The following VPS53 variants were observed in gnomAD, a reference collection of about 807,000 sequenced individuals.
VPS53 encodes the protein VPS53 subunit of GARP complex, also known as vacuolar protein sorting-associated protein 53 homolog.
In VPS53, 70 loss-of-function variants were observed where a neutral mutation model predicts 107.0. That is an observed-to-expected ratio of 0.65 (90% CI 0.54 to 0.80). The LOEUF (loss-of-function observed/expected upper bound fraction) is 0.80, where lower values mean the gene tolerates loss of function less well. Ranked by LOEUF, VPS53 falls within the 30% of genes least tolerant of loss-of-function variation. VPS53 has a pLI of 0.00. For missense variants in VPS53, 917 were observed against 1,049.4 expected, an observed-to-expected ratio of 0.87 and a Z score of 1.74; for synonymous variants, 409 against 393.3, an observed-to-expected ratio of 1.04 and a Z score of -0.47.
intron 11 of VPS53, among the ~76,000 whole-genome samples, chr17:607,867 C>T (rs1267833247): frequency 6.6e-6 from 1 of 152,146 alleles, no homozygotes; most frequent in East Asian, 1.9e-4. Context: ...GTCTAATTCA[C>T]TGTCAAGAAG....
chr17:639,072 G>C (rs941213344), intron 7 of VPS53, among the ~76,000 whole-genome samples: 1 of 152,028 alleles, frequency 6.6e-6, no homozygotes, highest in Non-Finnish European at 1.5e-5. Flanking sequence ...CGTAGATTTG[G>C]TCTTTTCACA....
chr17:583,542 C>T (rs1452503458), intron 13 of VPS53, among the ~76,000 whole-genome samples: 1 of 151,380 alleles, frequency 6.6e-6, no homozygotes, highest in Admixed American at 6.6e-5. Flanking sequence ...TTCCTCAGAA[C>T]CTAATGCGTT....
chr17:601,765 G>GTA, intron 12 of VPS53, 30 bp downstream of exon 12: 1 of 1,538,472 alleles, frequency 6.5e-7, no homozygotes, highest in Non-Finnish European at 8.8e-7. Context: ...CATTGGGTAG[G>GTA]TTACCCGTGG....
chr17:589,495 G>GC (rs1420781840), intron 12 of VPS53, among the ~76,000 whole-genome samples: 1 of 151,858 alleles, frequency 6.6e-6, no homozygotes, highest in Non-Finnish European at 1.5e-5. Flanking sequence ...TCTAAAGGTC[G>GC]GGGGGGAGTG....
intron 2 of VPS53, among the ~76,000 whole-genome samples, chr17:699,761 C>T (rs543923691): frequency 6.6e-6 from 1 of 152,260 alleles, no homozygotes; most frequent in East Asian, 1.9e-4. Context: ...GTGATTGTGA[C>T]AAATTCACGT....
chr17:629,200 G>A (rs1221343499), intron 8 of VPS53, among the ~76,000 whole-genome samples: 1 of 152,174 alleles, frequency 6.6e-6, no homozygotes, highest in African/African-American at 2.4e-5. Context: ...TGAGACCTGA[G>A]TTTTTAAAAT....
intron 12 of VPS53, among the ~76,000 whole-genome samples, chr17:597,803 C>G (rs1207715638): frequency 6.6e-6 from 1 of 152,132 alleles, no homozygotes; most frequent in East Asian, 1.9e-4. Flanking sequence ...CTCCTGACCT[C>G]AGGTGATCGG....
chr17:520,017 A>AC lies in VPS53; in HGVS notation c.2224-88dup, dbSNP rs1371134322. ...GAGCGGGCCCTCAAGAAAACTCACT[A>AC]CCCACCGCAGGAGGAGACGGGAGCG... On this transcript the variant is annotated intron_variant, in intron 20 of 21. Coordinates refer to ENST00000437048, the MANE Select transcript of VPS53 (RefSeq NM_001128159.3). This position sits in a 1 kb window ranked among gnomAD's most constrained non-coding sequence, Gnocchi z 4.4. 5.5e-6 allele frequency: 5 copies of AC among 903,368 alleles called. No individual in the cohort carries two copies. The highest frequency in any genetic ancestry group is 8.8e-6 in the Non-Finnish European group (5 of 568,258). 56.0% of individuals were successfully genotyped at this position (903,368 alleles called of 1,614,324 possible).
rs554227375 is a variant in VPS53 at position 632,583 on chromosome 17, A to G, written c.609-955T>C. Among the ~76,000 whole-genome samples, 3 of 152,190 alleles carry G rather than the reference A, an allele frequency of 2.0e-5. No individual in the cohort carries two copies. The South Asian group carries it at 6.2e-4, about 32-fold the overall frequency. ...ATAAATTATTAACCGTAGTCACCCT[A>G]TTGTTCTACCAAATACTAGATCGTA... On this transcript the variant is annotated intron_variant, in intron 7 of 21. Transcript: ENST00000437048.
intron 17 of VPS53, among the ~76,000 whole-genome samples, chr17:548,009 C>T (rs541052115): frequency 1.3e-3 from 198 of 152,198 alleles, no homozygotes; most frequent in Admixed American, 3.8e-3. Flanking sequence ...TCTTAAAGGA[C>T]GTGCTCCTTG....
intron 6 of VPS53, among the ~76,000 whole-genome samples, chr17:653,850 T>C (rs1971061856): frequency 6.6e-6 from 1 of 152,188 alleles, no homozygotes; most frequent in South Asian, 2.1e-4. Flanking sequence ...TTACAGCCTA[T>C]GAGCAAACCA....
chr17:706,880 A>G (rs1973426793), intron 2 of VPS53, among the ~76,000 whole-genome samples: 2 of 152,082 alleles, frequency 1.3e-5, no homozygotes, highest in Non-Finnish European at 2.9e-5. Flanking sequence ...CCAGTGATCT[A>G]CTGCGTGAGT....
intron 2 of VPS53, among the ~76,000 whole-genome samples, chr17:702,429 C>A (rs1465274655): frequency 2.0e-5 from 3 of 151,444 alleles, no homozygotes; most frequent in African/African-American, 7.3e-5. Context: ...ACTTTGAGGC[C>A]GAGGTGGGCG....
At chr17:578,741 A>G (rs1248762463) in intron 13 of VPS53, among the ~76,000 whole-genome samples, 1 of 152,036 alleles carries the variant, frequency 6.6e-6, no homozygotes, top group Non-Finnish European at 1.5e-5. Flanking sequence ...AACCTCCCTC[A>G]GAACCTAATG....
At chr17:713,496 T>C (rs1973717343) in intron 1 of VPS53, among the ~76,000 whole-genome samples, 1 of 144,998 alleles carries the variant, frequency 6.9e-6, no homozygotes, top group African/African-American at 2.5e-5. Context: ...CTACTAAAAA[T>C]ACAAAAATTA....
Position 518,316 on chromosome 17 carries a change from G to C in VPS53, c.*812C>G, listed in dbSNP as rs1283753551. On this transcript the variant is annotated 3_prime_UTR_variant, in exon 22 of 22. Transcript: ENST00000437048. ...GGCGGGCAGGCTGCGTGCCAGGCCA[G>C]GCTCTCAGCCTGGTCTTTAAGGTCC... 1.3e-5 allele frequency: 2 copies of C among 152,274 alleles called. No homozygotes were observed. The highest frequency in any genetic ancestry group is 3.9e-4 in the East Asian group (2 of 5,166). The allele number at this position is 152,274 out of a possible 1,614,324, so 9.4% of individuals were successfully genotyped here.
chr17:684,499 T>G (rs1326990693), intron 4 of VPS53, among the ~76,000 whole-genome samples: 2 of 152,162 alleles, frequency 1.3e-5, no homozygotes, highest in East Asian at 3.8e-4. Flanking sequence ...TAGCAAACTA[T>G]GAGCAAGATC....
At chr17:567,864 G>C (rs1913675468) in intron 13 of VPS53, among the ~76,000 whole-genome samples, 1 of 150,940 alleles carries the variant, frequency 6.6e-6, no homozygotes, top group Admixed American at 6.6e-5. Flanking sequence ...ACTCCAGCCT[G>C]GACAACAGAG....
At chr17:534,988 G>T (rs530812671) in intron 18 of VPS53, among the ~76,000 whole-genome samples, 1 of 152,148 alleles carries the variant, frequency 6.6e-6, no homozygotes, top group South Asian at 2.1e-4. Flanking sequence ...GGTGGCGATG[G>T]GGGGAGTATG....
Sources: gnomAD v4.1 joint callset for allele counts (sites outside exome capture counted in the v4.1 genomes callset) on GRCh38, gnomAD v4.1.1 for gene constraint, Gnocchi (gnomAD v3.1) non-coding constraint, MANE v1.5 for transcripts, NCBI Gene and HGNC (gene_info 2026-07-23, HGNC 2026-07-21) for gene names.